MAN2A2: variants seen among roughly 807,000 people sequenced by gnomAD.
MAN2A2 encodes the protein alpha-mannosidase 2x.
MAN2A2 carries 79 observed loss-of-function variants against 126.8 expected under a neutral mutation model. That is an observed-to-expected ratio of 0.62 (90% CI 0.52 to 0.75). The LOEUF (loss-of-function observed/expected upper bound fraction) is 0.75. Ranked by LOEUF, MAN2A2 falls within the 30% of genes least tolerant of loss-of-function variation. The pLI is 0.00. For missense variants in MAN2A2, 1,392 were observed against 1,522.4 expected (o/e 0.91, Z 1.43); for synonymous variants, 671 against 618.7 (o/e 1.08, Z -1.25).
intron 14 of MAN2A2, 129 bp downstream of exon 14, chr15:90,911,679 G>C: frequency 9.3e-7 from 1 of 1,071,982 alleles, no homozygotes. Flanking sequence ...CAAGTGTCCT[G>C]GGGAGGGGGT....
In MAN2A2 at chr15:90,904,336, C is replaced by T. The variant is rs113662660; in HGVS notation, c.129C>T (p.Pro43=). The change falls in exon 2 of 23, where the codon CCC becomes CCT. Residue 43 remains proline (P), a synonymous_variant. Coordinates refer to ENST00000559717, the MANE Select transcript of MAN2A2 (RefSeq NM_006122.4). ...GACACCAGAATGGTGGGAACTTCCCCCGGGTGAGTCGTGCCTGGTTGCTAA... is the reference window on the plus strand; with the variant it reads ...GACACCAGAATGGTGGGAACTTCCCTCGGGTGAGTCGTGCCTGGTTGCTAA... ...PTRHQNGGNF[P]RSQISVLQNR... The T allele has an allele frequency of 6.2e-7, 1 of 1,613,376 alleles. No homozygotes were observed. The highest frequency in any genetic ancestry group is 8.5e-7 in the Non-Finnish European group (1 of 1,179,390).
Position 90,906,400 on chromosome 15 carries a change from G to A in MAN2A2, c.738G>A (p.Ala246=), listed in dbSNP as rs151326082. The A allele has an allele frequency of 3.0e-5, 48 of 1,614,030 alleles. No individual in the cohort carries two copies. The highest frequency in any genetic ancestry group is 1.0e-4 in the Admixed American group (6 of 59,998). The part of the protein sequence containing the change: ...RLVGNGQLEI[A]TGGWVMPDEA... Reference sequence around the variant, plus strand: ...TGGGAAACGGGCAGCTGGAGATTGCGACAGGAGGCTGGGTGATGCCAGATG... The same window carrying A: ...TGGGAAACGGGCAGCTGGAGATTGCAACAGGAGGCTGGGTGATGCCAGATG... Residue 246 remains alanine (A), a synonymous_variant, in exon 6 of 23, where the codon GCG becomes GCA. Coordinates refer to ENST00000559717, the MANE Select transcript of MAN2A2 (RefSeq NM_006122.4).
chr15:90,908,207 T>G (rs1381294494), intron 8 of MAN2A2, among the ~76,000 whole-genome samples: 1 of 152,198 alleles, frequency 6.6e-6, no homozygotes, highest in African/African-American at 2.4e-5. Context: ...TTGTGATCAG[T>G]GAGGCTGGCC....
intron 9 of MAN2A2, among the ~76,000 whole-genome samples, chr15:90,909,812 C>A (rs972747033): frequency 6.6e-6 from 1 of 152,176 alleles, no homozygotes; most frequent in African/African-American, 2.4e-5. Flanking sequence ...ACTGTGTTAG[C>A]CAGGGTGGTC....
intron 10 of MAN2A2, 89 bp downstream of exon 10, chr15:90,910,381 A>G (rs964062567): frequency 6.3e-6 from 10 of 1,574,818 alleles, no homozygotes; most frequent in African/African-American, 2.7e-5. Context: ...AAGGGAATAG[A>G]TAGGCCCAGA....
At position 90,912,100 on chromosome 15, in the gene MAN2A2, G is replaced by A. The variant is rs767041843; in HGVS notation, c.2167G>A (p.Gly723Ser). Residue 723 changes from glycine (G) to serine (S), a missense_variant, in exon 15 of 23, where the codon GGC becomes AGC. Gly to Ser is a moderately conservative substitution (Grantham distance 56). Transcript: ENST00000559717. ...LGLGVLQLQL[G>S]LDGHRTLPSS... ...CCTGGGCGTGCTGCAGCTACAGCTG[G>A]GCCTGGATGGGCACCGCACGCTGCC... 5 of 1,613,342 alleles carry A rather than the reference G, an allele frequency of 3.1e-6. No homozygotes were observed. Among genetic ancestry groups the A allele is most frequent in the Non-Finnish European group, 1.7e-6 (2 of 1,179,966 alleles).
intron 8 of MAN2A2, among the ~76,000 whole-genome samples, chr15:90,909,050 C>A (rs1486033090): frequency 6.6e-6 from 1 of 152,138 alleles, no homozygotes; most frequent in Non-Finnish European, 1.5e-5. Flanking sequence ...TGCTGCATCG[C>A]TAACTGGTGG....
In MAN2A2 at chr15:90,912,929, TCTC is replaced by T; in HGVS notation, c.2523_2525del (p.Phe841_Ser842delinsLeu). 1 of 1,614,118 alleles carries T rather than the reference TCTC, an allele frequency of 6.2e-7. No homozygotes were observed. The highest frequency in any genetic ancestry group is 8.5e-7 in the Non-Finnish European group (1 of 1,179,988). ...CTGCGTGTCACTGAAGGCCCTTTCTTCTCAGAGGTGGTTGCGTACTATGAGCAC... is the reference window on the plus strand; with the variant it reads ...CTGCGTGTCACTGAAGGCCCTTTCTTAGAGGTGGTTGCGTACTATGAGCAC... On this transcript the variant is annotated inframe_deletion, in exon 17 of 23. Coordinates refer to ENST00000559717, the MANE Select transcript of MAN2A2 (RefSeq NM_006122.4).
rs1484049646 is a variant in MAN2A2, at chr15:90,920,298, A to G, written c.*511A>G. Reference sequence around the variant, plus strand: ...AGGACAGGGGTGGGGACCCAGAGTTAGCAGTGGGGATGGAGCAGTAGAAGG... The same window carrying G: ...AGGACAGGGGTGGGGACCCAGAGTTGGCAGTGGGGATGGAGCAGTAGAAGG... On this transcript the variant is annotated 3_prime_UTR_variant, in exon 23 of 23. Transcript: ENST00000559717. The G allele has an allele frequency of 3.2e-5, 5 of 154,616 alleles. No homozygotes were observed. The highest frequency in any genetic ancestry group is 1.2e-4 in the African/African-American group (5 of 41,484). The allele number at this position is 154,616 out of a possible 1,614,324, so 9.6% of individuals were successfully genotyped here.
chr15:90,904,703 C>T (rs2034125503), intron 2 of MAN2A2, among the ~76,000 whole-genome samples: 1 of 152,010 alleles, frequency 6.6e-6, no homozygotes, highest in South Asian at 2.1e-4. Flanking sequence ...AATTCTCCTG[C>T]CTCAGCCTCC....
chr15:90,918,498 T>C, intron 21 of MAN2A2, 110 bp downstream of exon 21: 1 of 1,351,788 alleles, frequency 7.4e-7, no homozygotes, highest in Non-Finnish European at 1.0e-6. Context: ...TAGCAGGTAT[T>C]CGGCTCCAAA....
At chr15:90,902,564 G>C (rs2677741), upstream of MAN2A2, 3 of 152,166 alleles carry the variant, frequency 2.0e-5, no homozygotes, top group Non-Finnish European at 4.4e-5. Context: ...CGTCCCTCCT[G>C]AGGTTCCGCA....
chr15:90,907,183 C>T, intron 7 of MAN2A2, 126 bp from the exon 8 acceptor site: 1 of 1,012,922 alleles, frequency 9.9e-7, no homozygotes, highest in Non-Finnish European at 1.5e-6. Flanking sequence ...TACACACTCT[C>T]TCCAGCCCTA....
At position 90,911,435 on chromosome 15, in the gene MAN2A2, C is replaced by T. The variant is rs1266494; in HGVS notation, c.1994C>T (p.Ser665Phe). 3,599 of 1,614,210 alleles carry T rather than the reference C, an allele frequency of 2.2e-3. 86 individuals are homozygous for T. The African/African-American group carries it at 0.043, about 19-fold the overall frequency. ...GAACAGGAGCGATTCAGCATGGTGT[C>T]CCTGCTGGTCAACTCTCCCCGCGTG... ...PLEQERFSMV[S>F]LLVNSPRVRV... Residue 665 changes from serine to phenylalanine, a missense_variant, in exon 14 of 23, where the codon TCC becomes TTC. Transcript: ENST00000559717.
chr15:90,905,545 CGACTGGGGTACTGA>C lies in MAN2A2; in HGVS notation c.391-32_391-19del. On this transcript the variant is annotated intron_variant, in intron 3 of 22. Transcript: ENST00000559717. ...AGCTGGCAGGGACGTACAGTGGCCACGACTGGGGTACTGAGCTGCAGTTCACCTGGCAGATGCTC... is the reference window on the plus strand; with the variant it reads ...AGCTGGCAGGGACGTACAGTGGCCACGCTGCAGTTCACCTGGCAGATGCTC... 6.2e-7 allele frequency: 1 copy of C among 1,614,072 alleles called. No individual in the cohort carries two copies. The highest frequency in any genetic ancestry group is 8.5e-7 in the Non-Finnish European group (1 of 1,180,026).
At chr15:90,906,309 C>T in intron 5 of MAN2A2, 61 bp from the exon 6 acceptor site, 5 of 1,603,908 alleles carry the variant, frequency 3.1e-6, no homozygotes, top group Non-Finnish European at 3.4e-6. Flanking sequence ...CTGACATTTG[C>T]TGGTTGGCAG....
In MAN2A2 at chr15:90,906,731, C is replaced by T; in HGVS notation, c.836-9C>T. 6.2e-7 allele frequency: 1 copy of T among 1,610,210 alleles called. No homozygotes were observed. The highest frequency in any genetic ancestry group is 1.1e-5 in the South Asian group (1 of 91,042). On this transcript the variant is annotated splice_polypyrimidine_tract_variant and intron_variant, in intron 6 of 22. Transcript: ENST00000559717. ...TTCAGGGCCTCTCTGGCTTCCATGC[C>T]CTGCCCAGGTGCAACCCCCCGCTCT...
At position 90,918,307 on chromosome 15, in the gene MAN2A2, T is replaced by C. The variant is rs2035342162; in HGVS notation, c.3108T>C (p.Pro1036=). Residue 1036 remains proline (P), a synonymous_variant, in exon 21 of 23, where the codon CCT becomes CCC. Coordinates refer to ENST00000559717, the MANE Select transcript of MAN2A2 (RefSeq NM_006122.4). ...TAGCCAGGATGCAGCTCCCAGGCCC[T>C]GGTCTGCGCTCATTTCATCCTCTGG... ...LPVARMQLPG[P]GLRSFHPLAS... is the part of the protein sequence containing the mutation. 2 of 1,614,226 alleles carry C rather than the reference T, an allele frequency of 1.2e-6. No homozygotes were observed. Among genetic ancestry groups the C allele is most frequent in the Non-Finnish European group, 1.7e-6 (2 of 1,180,028 alleles).
Position 90,910,565 on chromosome 15 carries a change from T to C in MAN2A2, c.1642T>C (p.Tyr548His). 6.2e-7 allele frequency: 1 copy of C among 1,614,136 alleles called. No individual in the cohort carries two copies. The highest frequency in any genetic ancestry group is 8.5e-7 in the Non-Finnish European group (1 of 1,180,020). Residue 548 changes from tyrosine (Y) to histidine (H), a missense_variant, in exon 11 of 23, where the codon TAC becomes CAC. By Grantham distance (83) the Tyr-to-His change is moderately conservative. Transcript: ENST00000559717. ...HARRSGLAGRYPLSDFTLLTE... is the reference protein window; with the variant it reads ...HARRSGLAGRHPLSDFTLLTE... ...TCGCCGCTCTGGTCTGGCTGGCCGGTACCCACTGTCTGATTTCACCCTCCT... is the reference window on the plus strand; with the variant it reads ...TCGCCGCTCTGGTCTGGCTGGCCGGCACCCACTGTCTGATTTCACCCTCCT...
Sources: allele counts gnomAD v4.1 joint callset (sites outside exome capture counted in the v4.1 genomes callset), GRCh38; gene constraint gnomAD v4.1.1; transcripts MANE v1.5; gene names NCBI Gene and HGNC (gene_info 2026-07-23, HGNC 2026-07-21).